The following LMTK3 variants were observed in gnomAD, a reference collection of about 807,000 sequenced individuals.
LMTK3 encodes the protein serine/threonine-protein kinase LMTK3.
LMTK3 carries 27 observed loss-of-function variants against 116.7 expected under a neutral mutation model. The ratio of observed to expected loss-of-function variants is 0.23; its 90% confidence interval spans 0.17 to 0.32. LMTK3 has a LOEUF of 0.32. Among genes scored for constraint, LMTK3 ranks in the 10% least tolerant of loss-of-function variants. The pLI is 1.00. For synonymous variants in LMTK3, 965 were observed against 971.0 expected (o/e 0.99, Z 0.11); for missense variants, 1,764 against 2,068.5 (o/e 0.85, Z 2.86).
chr19:48,509,003 C>T (rs976073008), intron 4 of LMTK3, 34 bp from the exon 5 acceptor site: 1 of 1,459,844 alleles, frequency 6.9e-7, no homozygotes, highest in Non-Finnish European at 9.4e-7. Context: ...CAGCGAGTGC[C>T]GTTTCCCCAG....
In LMTK3 at chr19:48,485,440, A is replaced by T; in HGVS notation, c.*333T>A. On this transcript the variant is annotated 3_prime_UTR_variant, in exon 15 of 15. Coordinates refer to ENST00000600059, the MANE Select transcript of LMTK3 (RefSeq NM_001388485.1). Reference sequence around the variant, plus strand: ...CCCTGTCTTGGGCCAGGAGTGGGTGAGGAGGGACCTCCGCTGTGTCGAGGG... The same window carrying T: ...CCCTGTCTTGGGCCAGGAGTGGGTGTGGAGGGACCTCCGCTGTGTCGAGGG... 3.6e-6 allele frequency: 1 copy of T among 281,566 alleles called. No individual in the cohort carries two copies. Among genetic ancestry groups the T allele is most frequent in the Non-Finnish European group, 6.8e-6 (1 of 146,230 alleles). The allele number at this position is 281,566 out of a possible 1,614,324, so 17.4% of individuals were successfully genotyped here.
rs1601048222 is a variant in LMTK3, at chr19:48,498,389, G to T, written c.2680C>A (p.Pro894Thr). Reference protein sequence around the residue: ...ETGPRKAGRGPGNREKVPGLN... With the variant: ...ETGPRKAGRGTGNREKVPGLN... ...CCCGGGACTTTCTCTCTGTTCCCGG[G>T]GCCTCTCCCCGCCTTCCTGGGTCCT... The change falls in exon 11 of 15, where the codon CCC becomes ACC. Residue 894 changes from proline to threonine, a missense_variant. By Grantham distance (38) the Pro-to-Thr change is conservative. Around this residue, in one of 7 missense-constraint regions of LMTK3, gnomAD observed 1,028 missense variants for 1,050.6 expected, o/e 0.98. Transcript: ENST00000600059. 1 of 1,612,340 alleles carries T rather than the reference G, an allele frequency of 6.2e-7. No individual in the cohort carries two copies.
chr19:48,495,716 C>T (rs1489887237), intron 11 of LMTK3, among the ~76,000 whole-genome samples: 1 of 152,226 alleles, frequency 6.6e-6, no homozygotes, highest in Admixed American at 6.5e-5. Context: ...TCAAGTGTGG[C>T]TGTGAGGTTG....
chr19:48,502,473 G>A lies in LMTK3; in HGVS notation c.754C>T (p.Arg252Cys). Residue 252 changes from arginine (R) to cysteine (C), a missense_variant, in exon 7 of 15, where the codon CGC becomes TGC. Arg to Cys is a radical substitution (Grantham distance 180). Coordinates refer to ENST00000600059, the MANE Select transcript of LMTK3 (RefSeq NM_001388485.1). ...TLQRMGLEIA[R>C]GLAHLHSHNY... is the part of the protein sequence containing the mutation. ...TGGGAATGCAGGTGCGCCAGCCCGCGGGCGATCTCCAGGCCCATCCTCTGC... is the reference window on the plus strand; with the variant it reads ...TGGGAATGCAGGTGCGCCAGCCCGCAGGCGATCTCCAGGCCCATCCTCTGC... 6.2e-7 allele frequency: 1 copy of A among 1,611,058 alleles called. No individual in the cohort carries two copies. Among genetic ancestry groups the A allele is most frequent in the South Asian group, 1.1e-5 (1 of 90,992 alleles).
At position 48,497,211 on chromosome 19, in the gene LMTK3, A is replaced by G. The variant is rs934955650; in HGVS notation, c.3676+182T>C. ...AACTGAGGCACCGTGCAGCAAGGAC[A>G]TTTGCCCAAGGCCAAAGAGCTAGAG... On this transcript the variant is annotated intron_variant, in intron 11 of 14. Transcript: ENST00000600059. The surrounding 1 kb of genome is among the most constrained non-coding windows in gnomAD (Gnocchi z 5.7). 2.6e-5 allele frequency among the ~76,000 whole-genome samples: 4 copies of G among 152,168 alleles called. No individual in the cohort carries two copies. The highest frequency in any genetic ancestry group is 5.9e-5 in the Non-Finnish European group (4 of 68,030).
intron 7 of LMTK3, among the ~76,000 whole-genome samples, chr19:48,501,779 T>A (rs1488082418): frequency 1.3e-5 from 2 of 151,224 alleles, no homozygotes; most frequent in Non-Finnish European, 3.0e-5. Flanking sequence ...CCTCTCCTTT[T>A]CCTCTGCACT....
upstream of LMTK3, chr19:48,513,051 A>G (rs1972686938): frequency 9.4e-7 from 1 of 1,059,098 alleles, no homozygotes; most frequent in African/African-American, 1.6e-5. This position sits in a 1 kb window ranked among gnomAD's most constrained non-coding sequence, Gnocchi z 5.6. Flanking sequence ...ACATAAACAC[A>G]CACTGGCACA....
chr19:48,486,197 C>T (rs1179488301), intron 14 of LMTK3, among the ~76,000 whole-genome samples: 2 of 148,568 alleles, frequency 1.3e-5, no homozygotes, highest in Non-Finnish European at 3.0e-5. Flanking sequence ...GTAGCTGGGA[C>T]TACAGGCGCC....
chr19:48,512,658 AGAAACATAATACATGCATGTATAC>A (rs1972680761), upstream of LMTK3, among the ~76,000 whole-genome samples: 1 of 152,150 alleles, frequency 6.6e-6, no homozygotes, highest in African/African-American at 2.4e-5. Context: ...ATGAGTACAC[AGAAACATAATACATGCATGTATAC>A]GGACACGTAA....
chr19:48,501,680 C>G, intron 7 of LMTK3, 118 bp from the exon 8 acceptor site: 1 of 999,238 alleles, frequency 1.0e-6, no homozygotes, highest in Non-Finnish European at 1.5e-6. Flanking sequence ...CTGACTCTGC[C>G]CCTTCCCTCT....
chr19:48,494,281 C>T lies in LMTK3; in HGVS notation c.3677-172G>A, dbSNP rs1442195864. 1.3e-5 allele frequency among the ~76,000 whole-genome samples: 2 copies of T among 152,340 alleles called. No homozygotes were observed. Among genetic ancestry groups the T allele is most frequent in the East Asian group, 3.9e-4 (2 of 5,184 alleles). On this transcript the variant is annotated intron_variant, in intron 11 of 14. Transcript: ENST00000600059. This position sits in a 1 kb window ranked among gnomAD's most constrained non-coding sequence, Gnocchi z 4.0. Reference sequence around the variant, plus strand: ...CCAGGCAGGGTGGGAAAGGTCCTCTCCAGTGCTCAACCTCCCCAGAGCTCC... The same window carrying T: ...CCAGGCAGGGTGGGAAAGGTCCTCTTCAGTGCTCAACCTCCCCAGAGCTCC...
Position 48,497,949 on chromosome 19 carries a change from G to T in LMTK3, c.3120C>A (p.Ala1040=). 1 of 1,578,932 alleles carries T rather than the reference G, an allele frequency of 6.3e-7. No individual in the cohort carries two copies. The highest frequency in any genetic ancestry group is 1.4e-5 in the African/African-American group (1 of 73,396). The change falls in exon 11 of 15, where the codon GCC becomes GCA. Residue 1040 remains alanine, a synonymous_variant. Coordinates refer to ENST00000600059, the MANE Select transcript of LMTK3 (RefSeq NM_001388485.1). The surrounding 1 kb of genome is among the most constrained non-coding windows in gnomAD (Gnocchi z 5.7). ...CTGGGGCTGGCTCCCCGATCGTGGG[G>T]GCTGGACCCCAACTCTCGGGCGTCT... ...WEKTPESWGP[A]PTIGEPAPET...
At chr19:48,488,734 T>C (rs1972167681) in intron 14 of LMTK3, among the ~76,000 whole-genome samples, 1 of 120,534 alleles carries the variant, frequency 8.3e-6, no homozygotes, top group South Asian at 2.8e-4. Flanking sequence ...CCAGTTAAAT[T>C]ACACTTTTTT....
chr19:48,511,611 C>A lies in LMTK3; in HGVS notation c.-35G>T, dbSNP rs910253549. 3.3e-5 allele frequency: 6 copies of A among 183,842 alleles called. No homozygotes were observed. The highest frequency in any genetic ancestry group is 1.8e-4 in the East Asian group (2 of 10,860). 11.4% of individuals were successfully genotyped at this position (183,842 alleles called of 1,614,324 possible). ...GATGGCAGGGAGGTGGAGGTGGTGG[C>A]GGCTGGGGAGGAGGGGGGGGCGGGC... On this transcript the variant is annotated 5_prime_UTR_variant, in exon 1 of 15. Coordinates refer to ENST00000600059, the MANE Select transcript of LMTK3 (RefSeq NM_001388485.1).
At chr19:48,503,680 C>G (rs898282245) in intron 5 of LMTK3, among the ~76,000 whole-genome samples, 3 of 152,182 alleles carry the variant, frequency 2.0e-5, no homozygotes, top group Non-Finnish European at 2.9e-5. Context: ...AGCGCCGGCT[C>G]TTTGATTCCT....
intron 14 of LMTK3, among the ~76,000 whole-genome samples, chr19:48,488,600 CCTT>C (rs1972165323): frequency 6.6e-6 from 1 of 152,154 alleles, no homozygotes; most frequent in African/African-American, 2.4e-5. Context: ...ACACCAGTGT[CCTT>C]CTGTTCCTTG....
chr19:48,510,738 AG>A, intron 1 of LMTK3, 146 bp from the exon 2 acceptor site: 1 of 959,656 alleles, frequency 1.0e-6, no homozygotes. Context: ...GAGTGGCCCA[AG>A]GCATTGTGGG....
chr19:48,509,975 G>A lies in LMTK3; in HGVS notation c.361+48C>T, dbSNP rs781470997. 3.1e-6 allele frequency: 5 copies of A among 1,603,070 alleles called. No homozygotes were observed. The African/African-American group carries it at 6.7e-5, about 21-fold the overall frequency. ...GAAGGAACACACTCAACATCTTCTGGCCTTTCCCGGGACACCATGGGATGC... is the reference window on the plus strand; with the variant it reads ...GAAGGAACACACTCAACATCTTCTGACCTTTCCCGGGACACCATGGGATGC... On this transcript the variant is annotated intron_variant, in intron 3 of 14. Transcript: ENST00000600059.
upstream of LMTK3, chr19:48,511,857 G>GGT (rs1972670390): frequency 4.6e-6 from 1 of 215,650 alleles, no homozygotes; most frequent in African/African-American, 2.4e-5. Flanking sequence ...GGTAGGATGG[G>GGT]GGGGGCGAGA....
Sources: allele counts gnomAD v4.1 joint callset (sites outside exome capture counted in the v4.1 genomes callset), GRCh38; gene constraint gnomAD v4.1.1; regional missense constraint gnomAD v4.1.1; non-coding constraint Gnocchi (gnomAD v3.1); transcripts MANE v1.5; gene names NCBI Gene and HGNC (gene_info 2026-07-23, HGNC 2026-07-21).